PDGFRB: variants seen among roughly 807,000 people sequenced by gnomAD.
PDGFRB encodes platelet-derived growth factor receptor beta.
PDGFRB carries 42 observed loss-of-function variants against 120.2 expected under a neutral mutation model. The observed-to-expected ratio is 0.35, with a 90% CI of 0.27 to 0.45. The LOEUF is 0.45. Among genes scored for constraint, PDGFRB ranks in the 20% least tolerant of loss-of-function variants. The pLI, the probability that PDGFRB is intolerant of heterozygous loss-of-function variation, is 1.00. For synonymous variants in PDGFRB, 586 were observed against 606.8 expected (o/e 0.97, Z 0.50); for missense variants, 1,149 against 1,476.3 (o/e 0.78, Z 3.63).
chr5:150,119,500 C>A lies in PDGFRB; in HGVS notation c.2765G>T (p.Arg922Leu). The change falls in exon 20 of 23, where the codon CGC (arginine) becomes CTC (leucine). Residue 922 changes from arginine (R) to leucine (L), a missense_variant. By Grantham distance (102) the Arg-to-Leu change is moderately radical. Coordinates refer to ENST00000261799, the MANE Select transcript of PDGFRB (RefSeq NM_002609.4). ...QFYNAIKRGYRMAQPAHASDE... is the reference protein window; with the variant it reads ...QFYNAIKRGYLMAQPAHASDE... ...GGAGGCATGGGCAGGCTGGGCCATG[C>A]GGTAACCCCGTTTGATGGCATTGTA... 1 of 1,611,570 alleles carries A rather than the reference C, an allele frequency of 6.2e-7. No homozygotes were observed. Among genetic ancestry groups the A allele is most frequent in the East Asian group, 2.2e-5 (1 of 44,870 alleles).
intron 1 of PDGFRB, among the ~76,000 whole-genome samples, chr5:150,139,911 C>T (rs916418036): frequency 2.0e-5 from 3 of 150,704 alleles, no homozygotes; most frequent in South Asian, 2.1e-4. Context: ...ACCCAGGAGG[C>T]GGAGGTTGCA....
In PDGFRB at chr5:150,120,249, G is replaced by A. The variant is rs1760089080; in HGVS notation, c.2587-126C>T. The A allele has an allele frequency of 1.5e-5, 10 of 651,976 alleles. No individual in the cohort carries two copies. The highest frequency in any genetic ancestry group is 1.4e-4 in the South Asian group (8 of 58,440). 40.4% of individuals were successfully genotyped at this position (651,976 alleles called of 1,614,324 possible). The stretch of plus-strand genomic sequence containing the variant: ...CACTTCTCCGTCCCATTCCCTGTGA[G>A]GGCCCTGGTCTCTGCGCAGCACAGT... On this transcript the variant is annotated intron_variant, in intron 18 of 22. Coordinates refer to ENST00000261799, the MANE Select transcript of PDGFRB (RefSeq NM_002609.4). This position sits in a 1 kb window ranked among gnomAD's most constrained non-coding sequence, Gnocchi z 4.3.
intron 11 of PDGFRB, 65 bp from the exon 12 acceptor site, chr5:150,125,642 C>G: frequency 1.3e-6 from 2 of 1,554,536 alleles, no homozygotes; most frequent in Non-Finnish European, 1.8e-6. Flanking sequence ...CCATTAGGTT[C>G]GTCCGTCTAG....
rs769449685 is a variant in PDGFRB, at chr5:150,121,037, G to A, written c.2464-27C>T. The A allele has an allele frequency of 1.9e-6, 3 of 1,612,512 alleles. No homozygotes were observed. In the South Asian group the frequency reaches 3.3e-5, roughly 18 times the overall value. ...TGGGTTTGGGGAGAGGGGAGCTGAGGCCTTGGGGACAATTGTGGGGAAAGA... is the reference window on the plus strand; with the variant it reads ...TGGGTTTGGGGAGAGGGGAGCTGAGACCTTGGGGACAATTGTGGGGAAAGA... On this transcript the variant is annotated intron_variant, in intron 17 of 22. Transcript: ENST00000261799. This position sits in a 1 kb window ranked among gnomAD's most constrained non-coding sequence, Gnocchi z 4.1.
intron 12 of PDGFRB, 64 bp from the exon 13 acceptor site, chr5:150,124,895 C>A (rs1760252149): frequency 5.4e-6 from 4 of 741,958 alleles, no homozygotes; most frequent in South Asian, 3.5e-5. Flanking sequence ...CCCCAGCTGC[C>A]CCCCTCCCCC....
chr5:150,146,849 TGAG>T (rs1230143930), intron 1 of PDGFRB, among the ~76,000 whole-genome samples: 10 of 152,162 alleles, frequency 6.6e-5, no homozygotes, highest in Admixed American at 3.3e-4. Context: ...ATCTCAGGGA[TGAG>T]AAGATCCTCA....
In PDGFRB at chr5:150,133,921, T is replaced by C; in HGVS notation, c.719A>G (p.Asn240Ser). ...NITLMCIVIGNEVVNFEWTYP... is the reference protein window; with the variant it reads ...NITLMCIVIGSEVVNFEWTYP... ...TGTCCACTCGAAGTTGACCACCTCA[T>C]TCCCGATCACAATGCACATGAGGGT... Residue 240 changes from asparagine (N) to serine (S), a missense_variant, in exon 5 of 23, where the codon AAT (asparagine) becomes AGT (serine). This residue lies in a region of PDGFRB where 879 missense variants were observed against 1,108.6 expected (regional missense o/e 0.79). Coordinates refer to ENST00000261799, the MANE Select transcript of PDGFRB (RefSeq NM_002609.4). The C allele has an allele frequency of 1.2e-6, 2 of 1,614,092 alleles. No homozygotes were observed. Among genetic ancestry groups the C allele is most frequent in the Non-Finnish European group, 1.7e-6 (2 of 1,179,972 alleles).
rs149024225 is a variant in PDGFRB, at chr5:150,121,775, A to T, written c.2344+105T>A. 1.3e-5 allele frequency: 11 copies of T among 879,562 alleles called. No individual in the cohort carries two copies. The African/African-American group carries it at 1.8e-4, about 15-fold the overall frequency. The allele number at this position is 879,562 out of a possible 1,614,324, so 54.5% of individuals were successfully genotyped here. On this transcript the variant is annotated intron_variant, in intron 16 of 22. Coordinates refer to ENST00000261799, the MANE Select transcript of PDGFRB (RefSeq NM_002609.4). This position sits in a 1 kb window ranked among gnomAD's most constrained non-coding sequence, Gnocchi z 4.1. ...CTAGCCTCAATTTCTACATCTATGA[A>T]ATGGGCACGAGGCTCCCTTCTTCTC...
chr5:150,143,618 C>A (rs887640860), intron 1 of PDGFRB, among the ~76,000 whole-genome samples: 2 of 152,144 alleles, frequency 1.3e-5, no homozygotes, highest in African/African-American at 4.8e-5. Context: ...CTGGGCCTGG[C>A]GGCAAGTCTG....
At chr5:150,137,358 T>C (rs1760662199) in intron 1 of PDGFRB, 1 of 306,762 alleles carries the variant, frequency 3.3e-6, no homozygotes, top group African/African-American at 2.2e-5. Context: ...GTCTGTACAG[T>C]GAGGGAGGGG....
In PDGFRB at chr5:150,123,160, G is replaced by A. The variant is rs1307336962; in HGVS notation, c.2065C>T (p.Leu689=). 3 of 1,613,772 alleles carry A rather than the reference G, an allele frequency of 1.9e-6. No individual in the cohort carries two copies. The highest frequency in any genetic ancestry group is 1.7e-5 in the Admixed American group (1 of 60,036). Residue 689 remains leucine, a synonymous_variant, in exon 15 of 23, where the codon CTG becomes TTG. Coordinates refer to ENST00000261799, the MANE Select transcript of PDGFRB (RefSeq NM_002609.4). ...TTGTTGCGGTGCAGGTAGTCCACCA[G>A]GTCTCCGTAGCGGCAGTACTCAGTG... is the stretch of plus-strand genomic sequence containing the variant. ...IITEYCRYGD[L]VDYLHRNKHT...
At chr5:150,138,781 C>G (rs1322404335) in intron 1 of PDGFRB, among the ~76,000 whole-genome samples, 1 of 152,258 alleles carries the variant, frequency 6.6e-6, no homozygotes, top group Non-Finnish European at 1.5e-5. Context: ...ATCTGCCCCT[C>G]CGTCGGTGCC....
At position 150,132,226 on chromosome 5, in the gene PDGFRB, G is replaced by C; in HGVS notation, c.1128-132C>G. ...AGGTCATCTCGGCATTGGTAGCAGA[G>C]CCGGGACTCAAACCAGGTCTCGTAA... On this transcript the variant is annotated intron_variant, in intron 7 of 22. Transcript: ENST00000261799. This position sits in a 1 kb window ranked among gnomAD's most constrained non-coding sequence, Gnocchi z 5.0. The C allele has an allele frequency of 3.3e-6, 2 of 615,348 alleles. No individual in the cohort carries two copies. The highest frequency in any genetic ancestry group is 5.9e-6 in the Non-Finnish European group (2 of 338,354). The allele number at this position is 615,348 out of a possible 1,614,324, so 38.1% of individuals were successfully genotyped here.
At chr5:150,123,267 G>A in intron 14 of PDGFRB, 66 bp from the exon 15 acceptor site, 1 of 1,271,956 alleles carries the variant, frequency 7.9e-7, no homozygotes, top group South Asian at 1.2e-5. Context: ...AGGCCATGAG[G>A]CTAATCAGGG....
At chr5:150,129,733 G>T (rs1760399442) in intron 10 of PDGFRB, 24 bp downstream of exon 10, 1 of 1,587,200 alleles carries the variant, frequency 6.3e-7, no homozygotes, top group African/African-American at 1.3e-5. Flanking sequence ...GGATCGTCAG[G>T]GGCCACTGAG....
intron 11 of PDGFRB, 89 bp downstream of exon 11, chr5:150,126,431 C>T: frequency 1.3e-6 from 1 of 793,152 alleles, no homozygotes. Context: ...GTGGCCAGAT[C>T]ACGCAGCATT....
chr5:150,125,605 A>T (rs749379183), intron 11 of PDGFRB, 28 bp from the exon 12 acceptor site: 1 of 1,612,588 alleles, frequency 6.2e-7, no homozygotes, highest in Non-Finnish European at 8.5e-7. Flanking sequence ...GGAATTAGTT[A>T]TCAGAGGGAG....
chr5:150,116,455 C>G (rs1366008753), intron 22 of PDGFRB, among the ~76,000 whole-genome samples: 1 of 151,734 alleles, frequency 6.6e-6, no homozygotes, highest in Admixed American at 6.6e-5. Flanking sequence ...ACTAAAAATA[C>G]AAAATTAGCC....
At chr5:150,141,384 C>T (rs573808533) in intron 1 of PDGFRB, among the ~76,000 whole-genome samples, 14 of 152,232 alleles carry the variant, frequency 9.2e-5, no homozygotes, top group Admixed American at 3.3e-4. Context: ...GCATTTGGCA[C>T]GTATTGGCTC....
Sources: gnomAD v4.1 joint callset for allele counts (sites outside exome capture counted in the v4.1 genomes callset) on GRCh38, gnomAD v4.1.1 for gene constraint, gnomAD v4.1.1 regional missense constraint, Gnocchi (gnomAD v3.1) non-coding constraint, MANE v1.5 for transcripts, NCBI Gene and HGNC (gene_info 2026-07-23, HGNC 2026-07-21) for gene names.